Variants in CPEB3 observed in about 807,000 individuals in gnomAD.
CPEB3 encodes the protein cytoplasmic polyadenylation element binding protein 3, also known as cytoplasmic polyadenylation element-binding protein 3.
A neutral mutation model predicts 67.2 loss-of-function variants in CPEB3; 20 were observed. That is an observed-to-expected ratio of 0.30 (90% CI 0.21 to 0.43). The LOEUF is 0.43. Ranked by LOEUF, CPEB3 falls within the 20% of genes least tolerant of loss-of-function variation. The pLI, the probability that CPEB3 is intolerant of heterozygous loss-of-function variation, is 1.00. For synonymous variants in CPEB3, 376 were observed against 393.1 expected, an observed-to-expected ratio of 0.96 and a Z score of 0.51; for missense variants, 746 against 968.6, an observed-to-expected ratio of 0.77 and a Z score of 3.05.
intron 6 of CPEB3, among the ~76,000 whole-genome samples, chr10:92,124,144 C>A (rs530842145): frequency 2.0e-5 from 3 of 152,300 alleles, no homozygotes; most frequent in African/African-American, 4.8e-5. Flanking sequence ...CTGAACTAAA[C>A]AAGCATTTCC....
intron 7 of CPEB3, among the ~76,000 whole-genome samples, chr10:92,092,736 C>T (rs1252533661): frequency 1.3e-5 from 2 of 151,584 alleles, no homozygotes; most frequent in Non-Finnish European, 2.9e-5. Context: ...GCCGAGATCA[C>T]GCCACTGCAC....
At chr10:92,060,530 A>G (rs1217066194) in intron 9 of CPEB3, among the ~76,000 whole-genome samples, 1 of 152,208 alleles carries the variant, frequency 6.6e-6, no homozygotes, top group Non-Finnish European at 1.5e-5. Flanking sequence ...GATCACATCA[A>G]GTTAAAAAAC....
Position 92,102,203 on chromosome 10 carries a change from T to G in CPEB3, c.1572+8873A>C, listed in dbSNP as rs1027278830. ...TCTGGGGGTAGTGGAGAGAAAGGAG[T>G]CTTTAGCCTTAGTAAGACTATATCC... On this transcript the variant is annotated intron_variant, in intron 7 of 9. Transcript: ENST00000265997. Among the ~76,000 whole-genome samples the G allele has an allele frequency of 3.9e-5, 6 of 151,954 alleles. No individual in the cohort carries two copies. In the South Asian group the frequency reaches 1.0e-3, roughly 26 times the overall value.
At chr10:92,232,621 G>A (rs989603915) in intron 2 of CPEB3, among the ~76,000 whole-genome samples, 1 of 151,918 alleles carries the variant, frequency 6.6e-6, no homozygotes, top group Non-Finnish European at 1.5e-5. Context: ...AGCCGGGCAT[G>A]GTGGCAGGCG....
intron 1 of CPEB3, among the ~76,000 whole-genome samples, chr10:92,279,481 T>C (rs1220457732): frequency 2.0e-5 from 3 of 152,192 alleles, no homozygotes; most frequent in Non-Finnish European, 4.4e-5. Flanking sequence ...TCATTTTTCC[T>C]TCACAGTACT....
At chr10:92,059,273 C>T (rs117181556) in intron 9 of CPEB3, among the ~76,000 whole-genome samples, 7,409 of 143,416 alleles carry the variant, frequency 0.052, 267 homozygotes, top group South Asian at 0.11. Context: ...TACAGTGAGC[C>T]GAGATATTGC....
intron 1 of CPEB3, among the ~76,000 whole-genome samples, chr10:92,257,818 C>T (rs897139916): frequency 6.6e-6 from 1 of 151,084 alleles, no homozygotes; most frequent in Admixed American, 6.6e-5. Flanking sequence ...CAACCTCTGC[C>T]TCCTAGGTTC....
intron 4 of CPEB3, among the ~76,000 whole-genome samples, chr10:92,166,158 G>A (rs1847732168): frequency 6.6e-6 from 1 of 150,722 alleles, no homozygotes; most frequent in Non-Finnish European, 1.5e-5. Context: ...GCCCAGGCTA[G>A]AGTGCAGTGG....
At chr10:92,117,619 C>A (rs535591991) in intron 6 of CPEB3, among the ~76,000 whole-genome samples, 1 of 152,000 alleles carries the variant, frequency 6.6e-6, no homozygotes, top group South Asian at 2.1e-4. Flanking sequence ...TGTGAGCCAC[C>A]GTGCCCAGTA....
chr10:92,276,005 T>C (rs1841966243), intron 1 of CPEB3, among the ~76,000 whole-genome samples: 1 of 151,854 alleles, frequency 6.6e-6, no homozygotes, highest in African/African-American at 2.4e-5. Flanking sequence ...CCCGCCACCA[T>C]GCCTGCCTAA....
chr10:92,127,974 C>T (rs1019319428), intron 6 of CPEB3, among the ~76,000 whole-genome samples: 9 of 152,140 alleles, frequency 5.9e-5, no homozygotes, highest in Non-Finnish European at 1.3e-4. Context: ...GGTAAGTTCA[C>T]AACCACAATG....
At chr10:92,106,515 T>G (rs1844462331) in intron 7 of CPEB3, among the ~76,000 whole-genome samples, 1 of 151,908 alleles carries the variant, frequency 6.6e-6, no homozygotes, top group Admixed American at 6.6e-5. Context: ...AGGGTAGGAA[T>G]TAGAAATTGA....
At chr10:92,165,738 A>T (rs539565452) in intron 4 of CPEB3, among the ~76,000 whole-genome samples, 2 of 152,116 alleles carry the variant, frequency 1.3e-5, no homozygotes, top group Admixed American at 6.5e-5. Context: ...CATCAAGTAG[A>T]CTCTACCTTA....
intron 6 of CPEB3, chr10:92,119,149 G>C (rs1845202005): frequency 6.3e-7 from 1 of 1,582,478 alleles, no homozygotes; most frequent in East Asian, 2.2e-5. Context: ...CCTCTGTAGG[G>C]CCGGCAGCCA....
At chr10:92,138,703 G>C (rs1221258650) in intron 6 of CPEB3, among the ~76,000 whole-genome samples, 1 of 152,144 alleles carries the variant, frequency 6.6e-6, no homozygotes, top group African/African-American at 2.4e-5. Context: ...TATAAGAAAT[G>C]CTGGTGAGGA....
At chr10:92,185,534 C>CTTT (rs1848648845) in intron 3 of CPEB3, among the ~76,000 whole-genome samples, 1 of 152,096 alleles carries the variant, frequency 6.6e-6, no homozygotes, top group Non-Finnish European at 1.5e-5. Flanking sequence ...TAAACTCATG[C>CTTT]TTTTATGAGT....
chr10:92,161,570 G>A (rs1218286111), intron 4 of CPEB3, among the ~76,000 whole-genome samples: 1 of 152,076 alleles, frequency 6.6e-6, no homozygotes, highest in African/African-American at 2.4e-5. Flanking sequence ...ACCGCGCCCA[G>A]TGGCTTAGAT....
rs1852231113 is a variant in CPEB3, at chr10:92,049,979, T to G, written c.*2233A>C. 1 of 152,512 alleles carries G rather than the reference T, an allele frequency of 6.6e-6. No individual in the cohort carries two copies. Among genetic ancestry groups the G allele is most frequent in the Admixed American group, 6.5e-5 (1 of 15,272 alleles). The allele number at this position is 152,512 out of a possible 1,614,324, so 9.4% of individuals were successfully genotyped here. ...TATATATTTTTCTGAATAAACTTAC[T>G]TAGAAAATATCATTTTCTTTCCTAT... On this transcript the variant is annotated 3_prime_UTR_variant, in exon 10 of 10. Coordinates refer to ENST00000265997, the MANE Select transcript of CPEB3 (RefSeq NM_014912.5).
chr10:92,251,897 C>T (rs758612583), intron 1 of CPEB3, among the ~76,000 whole-genome samples: 29 of 150,560 alleles, frequency 1.9e-4, no homozygotes, highest in Admixed American at 4.0e-4. Flanking sequence ...GCCGAGATCA[C>T]GCCACTGCAC....
Sources: gnomAD v4.1 joint callset for allele counts (sites outside exome capture counted in the v4.1 genomes callset) on GRCh38, gnomAD v4.1.1 for gene constraint, MANE v1.5 for transcripts, NCBI Gene and HGNC (gene_info 2026-07-23, HGNC 2026-07-21) for gene names.